Variants in GRIN3A observed in about 807,000 individuals in gnomAD.
GRIN3A encodes the protein glutamate ionotropic receptor NMDA type subunit 3A.
In GRIN3A, 47 loss-of-function variants were observed where a neutral mutation model predicts 92.4. The observed-to-expected ratio is 0.51, with a 90% CI of 0.40 to 0.65. The LOEUF is 0.65. Among genes scored for constraint, GRIN3A ranks in the 30% least tolerant of loss-of-function variants. The probability of loss-of-function intolerance (pLI) is 0.00; values close to 1 mark genes in which losing one functional copy is unlikely to be tolerated. For synonymous variants in GRIN3A, 527 were observed against 540.6 expected (o/e 0.97, Z 0.35); for missense variants, 1,324 against 1,393.1 (o/e 0.95, Z 0.79).
chr9:101,657,310 A>G (rs560256798), intron 3 of GRIN3A, among the ~76,000 whole-genome samples: 65 of 152,070 alleles, frequency 4.3e-4, no homozygotes, highest in Non-Finnish European at 8.4e-4. Context: ...CATATTTTGT[A>G]CAAACTACTT....
chr9:101,646,751 A>G (rs2118909574), intron 3 of GRIN3A, among the ~76,000 whole-genome samples: 1 of 151,428 alleles, frequency 6.6e-6, no homozygotes, highest in African/African-American at 2.4e-5. Context: ...ATTTATTCCT[A>G]TTTTATTCTT....
chr9:101,670,022 T>A (rs1277647829), intron 3 of GRIN3A, 38 bp downstream of exon 3: 3 of 1,404,630 alleles, frequency 2.1e-6, no homozygotes, highest in African/African-American at 2.8e-5. Context: ...GGAATTATAA[T>A]GGACAATCAA....
intron 6 of GRIN3A, among the ~76,000 whole-genome samples, chr9:101,587,273 G>A (rs188190626): frequency 1.9e-3 from 277 of 147,738 alleles, no homozygotes; most frequent in Middle Eastern, 7.4e-3. Flanking sequence ...TTGCACCACT[G>A]CAATCCAGCC....
intron 3 of GRIN3A, among the ~76,000 whole-genome samples, chr9:101,634,486 TAATA>T (rs559448756): frequency 1.3e-5 from 2 of 151,654 alleles, no homozygotes; most frequent in Admixed American, 6.6e-5. Context: ...TATTATATGC[TAATA>T]AATTCATATC....
At position 101,573,276 on chromosome 9, in the gene GRIN3A, G is replaced by C. The variant is rs75704535; in HGVS notation, c.3246C>G (p.Leu1082=). The C allele has an allele frequency of 3.1e-6, 5 of 1,613,880 alleles. No individual in the cohort carries two copies. In the African/African-American group the frequency reaches 4.0e-5, roughly 13 times the overall value. ...GACGGATCACCTGAATCTGCTTCTC[G>C]AGCTCTGAGAGTTCCTGCATCACTG... ...RNSVMQELSE[L]EKQIQVIRQE... The change falls in exon 9 of 9, where the codon CTC becomes CTG. Residue 1082 remains leucine (L), a synonymous_variant. Coordinates refer to ENST00000361820, the MANE Select transcript of GRIN3A (RefSeq NM_133445.3).
At chr9:101,650,044 A>G (rs545863731) in intron 3 of GRIN3A, among the ~76,000 whole-genome samples, 1 of 152,190 alleles carries the variant, frequency 6.6e-6, no homozygotes, top group African/African-American at 2.4e-5. Flanking sequence ...CGAACAGAGT[A>G]ACACCATTCT....
intron 3 of GRIN3A, among the ~76,000 whole-genome samples, chr9:101,660,209 T>C (rs1829155424): frequency 1.3e-5 from 2 of 151,890 alleles, no homozygotes; most frequent in Non-Finnish European, 2.9e-5. Flanking sequence ...TCAAGGATCC[T>C]ACATCTCTGA....
At chr9:101,707,951 T>C (rs1334371878) in intron 1 of GRIN3A, among the ~76,000 whole-genome samples, 1 of 152,156 alleles carries the variant, frequency 6.6e-6, no homozygotes, top group Non-Finnish European at 1.5e-5. Flanking sequence ...GCTTTCCTTT[T>C]AATGTTGACT....
intron 6 of GRIN3A, among the ~76,000 whole-genome samples, chr9:101,604,382 G>A (rs1828250194): frequency 1.3e-5 from 2 of 152,190 alleles, no homozygotes; most frequent in African/African-American, 4.8e-5. Context: ...TTTACTCCAT[G>A]TCATAAAAGA....
At chr9:101,669,160 G>C (rs2118948085) in intron 3 of GRIN3A, among the ~76,000 whole-genome samples, 1 of 152,154 alleles carries the variant, frequency 6.6e-6, no homozygotes, top group South Asian at 2.1e-4. Flanking sequence ...TTTCCCATCA[G>C]GACTGCAGTA....
intron 6 of GRIN3A, among the ~76,000 whole-genome samples, chr9:101,607,071 T>G (rs989328791): frequency 1.3e-5 from 2 of 151,948 alleles, no homozygotes; most frequent in Non-Finnish European, 2.9e-5. Flanking sequence ...AAATTCCTCT[T>G]TGAAAATTGC....
intron 1 of GRIN3A, among the ~76,000 whole-genome samples, chr9:101,689,004 G>A (rs934285759): frequency 1.3e-5 from 2 of 152,212 alleles, no homozygotes; most frequent in Non-Finnish European, 2.9e-5. Flanking sequence ...CTGCCAGCAG[G>A]ATCTTGAGGT....
Position 101,571,355 on chromosome 9 carries a change from G to A in GRIN3A, c.*1819C>T, listed in dbSNP as rs1009208525. 91 of 152,104 alleles carry A rather than the reference G, an allele frequency of 6.0e-4. No homozygotes were observed. Among genetic ancestry groups the A allele is most frequent in the African/African-American group, 1.9e-3 (80 of 41,496 alleles). 9.4% of individuals were successfully genotyped at this position (152,104 alleles called of 1,614,324 possible). On this transcript the variant is annotated 3_prime_UTR_variant, in exon 9 of 9. Transcript: ENST00000361820. ...TAAGTTGTTATTCCCTGGGTGACTGGGTAGATTTTGGTGGAAATGCAGACA... is the reference window on the plus strand; with the variant it reads ...TAAGTTGTTATTCCCTGGGTGACTGAGTAGATTTTGGTGGAAATGCAGACA...
intron 3 of GRIN3A, among the ~76,000 whole-genome samples, chr9:101,660,200 C>G (rs1699620183): frequency 6.6e-6 from 1 of 151,870 alleles, no homozygotes; most frequent in Admixed American, 6.6e-5. Flanking sequence ...TCTTCCTACT[C>G]AAGGATCCTA....
rs77826660 is a variant in GRIN3A at position 101,632,672 on chromosome 9, A to T, written c.2353-4271T>A. Among the ~76,000 whole-genome samples the T allele has an allele frequency of 9.9e-5, 15 of 152,264 alleles. No homozygotes were observed. In the East Asian group the frequency reaches 2.7e-3, roughly 27 times the overall value. On this transcript the variant is annotated intron_variant, in intron 3 of 8. Transcript: ENST00000361820. Reference sequence around the variant, plus strand: ...TCTTTCTCTGTGTGAGATTATATTGAAAAATAACCATGGGCTACTCAGCAG... The same window carrying T: ...TCTTTCTCTGTGTGAGATTATATTGTAAAATAACCATGGGCTACTCAGCAG...
chr9:101,583,569 C>T (rs1248570664), intron 6 of GRIN3A, among the ~76,000 whole-genome samples: 2 of 152,084 alleles, frequency 1.3e-5, no homozygotes, highest in East Asian at 1.9e-4. Context: ...TATGAATATT[C>T]AATATCAAAT....
intron 1 of GRIN3A, among the ~76,000 whole-genome samples, chr9:101,707,634 C>A (rs1235442742): frequency 1.3e-5 from 2 of 152,114 alleles, no homozygotes; most frequent in African/African-American, 4.8e-5. Context: ...TTTGATTTAG[C>A]CTTTTATCAT....
chr9:101,583,741 T>C (rs78876754), intron 6 of GRIN3A, among the ~76,000 whole-genome samples: 1 of 152,068 alleles, frequency 6.6e-6, no homozygotes, highest in Admixed American at 6.5e-5. Flanking sequence ...GTTTTGAGGT[T>C]GTTGTTTTTT....
In GRIN3A at chr9:101,670,663, C is replaced by T. The variant is rs1356361808; in HGVS notation, c.1749G>A (p.Leu583=). 1 of 1,614,018 alleles carries T rather than the reference C, an allele frequency of 6.2e-7. No individual in the cohort carries two copies. The highest frequency in any genetic ancestry group is 1.7e-5 in the Admixed American group (1 of 59,996). ...KKCCYGYCID[L]LEKIAEDMNF... is the part of the protein sequence containing the mutation. ...TCATGTCTTCTGCTATCTTTTCCAG[C>T]AGATCAATGCAATATCCATAGCAGC... Residue 583 remains leucine, a synonymous_variant, in exon 3 of 9, where the codon CTG becomes CTA. Transcript: ENST00000361820.
Sources: gnomAD v4.1 joint callset for allele counts (sites outside exome capture counted in the v4.1 genomes callset) on GRCh38, gnomAD v4.1.1 for gene constraint, MANE v1.5 for transcripts, NCBI Gene and HGNC (gene_info 2026-07-23, HGNC 2026-07-21) for gene names.